Variants in CUX1 observed in about 807,000 individuals in gnomAD.
CUX1 encodes cut like homeobox 1, also known as protein CASP.
Under a neutral mutation model 158.8 loss-of-function variants are expected in CUX1, and 31 were observed. The ratio of observed to expected loss-of-function variants is 0.20; its 90% confidence interval spans 0.15 to 0.26. The LOEUF (loss-of-function observed/expected upper bound fraction) is 0.26. CUX1 is among the 10% of genes least tolerant of loss of function. The probability of loss-of-function intolerance (pLI) is 1.00; values close to 1 mark genes in which losing one functional copy is unlikely to be tolerated. For missense variants in CUX1, 1,589 were observed against 2,014.6 expected (o/e 0.79, Z 4.04); for synonymous variants, 879 against 862.1 (o/e 1.02, Z -0.34).
At position 101,984,119 on chromosome 7, in the gene CUX1, TATATATATATACACAC is replaced by T. The variant is rs1563091958; in HGVS notation, c.142-43977_142-43962del. On this transcript the variant is annotated intron_variant, in intron 2 of 23. Coordinates refer to ENST00000292535, the MANE Select transcript of CUX1 (RefSeq NM_181552.4). ...ATATATATATATATATATATATATA[TATATATATATACACAC>T]ACACATATATATATGTGTGTGTGTG... Among the ~76,000 whole-genome samples the T allele has an allele frequency of 6.8e-5, 3 of 44,136 alleles. 1 individual carries two copies. Among genetic ancestry groups the T allele is most frequent in the African/African-American group, 2.4e-4 (3 of 12,570 alleles). 29.0% of individuals were successfully genotyped at this position (44,136 alleles called of 152,430 possible). A position where few individuals can be genotyped will look rare whatever the true frequency, so the allele number is the denominator to read the frequency against.
At chr7:102,231,266 G>A (rs1362990574) in intron 21 of CUX1, among the ~76,000 whole-genome samples, 5 of 151,704 alleles carry the variant, frequency 3.3e-5, no homozygotes, top group South Asian at 2.1e-4. Flanking sequence ...TCCTGACCTC[G>A]TGATCTGCCC....
At chr7:102,209,262 T>G (rs1796282148) in intron 20 of CUX1, among the ~76,000 whole-genome samples, 1 of 152,226 alleles carries the variant, frequency 6.6e-6, no homozygotes, top group African/African-American at 2.4e-5. Flanking sequence ...TGACATTTCA[T>G]TCACATCATC....
At chr7:101,931,136 C>T (rs1806243815) in intron 2 of CUX1, among the ~76,000 whole-genome samples, 2 of 152,198 alleles carry the variant, frequency 1.3e-5, no homozygotes, top group African/African-American at 4.8e-5. Flanking sequence ...ACAAGAGACT[C>T]GTCCCTTTTC....
Position 102,097,509 on chromosome 7 carries a change from G to T in CUX1, c.406+8G>T. 6.3e-7 allele frequency: 1 copy of T among 1,584,040 alleles called. No individual in the cohort carries two copies. The highest frequency in any genetic ancestry group is 8.5e-7 in the Non-Finnish European group (1 of 1,171,650). On this transcript the variant is annotated splice_region_variant and intron_variant, in intron 5 of 23. Coordinates refer to ENST00000292535, the MANE Select transcript of CUX1 (RefSeq NM_181552.4). ...CTGAAGTGAAAAATCAAGGTTGGTG[G>T]AAAATGCGTTCTTTGCTTTTTCTTT... is the stretch of plus-strand genomic sequence containing the variant.
intron 19 of CUX1, 24 bp from the exon 20 acceptor site, chr7:102,205,090 A>T: frequency 6.4e-7 from 1 of 1,566,188 alleles, no homozygotes; most frequent in Non-Finnish European, 8.8e-7. Flanking sequence ...TCCTTCCTTT[A>T]ATTATAACCT....
In CUX1 at chr7:102,014,247, C is replaced by A. The variant is rs538100807; in HGVS notation, c.142-13851C>A. Among the ~76,000 whole-genome samples the A allele has an allele frequency of 2.0e-5, 3 of 152,132 alleles. No homozygotes were observed. The East Asian group carries it at 5.8e-4, about 29-fold the overall frequency. On this transcript the variant is annotated intron_variant, in intron 2 of 23. Coordinates refer to ENST00000292535, the MANE Select transcript of CUX1 (RefSeq NM_181552.4). ...CTTTTAGAAGCTACATTCATAGTAT[C>A]TCAAAAGACAGACATAAGGGGTACT...
chr7:101,880,535 G>A (rs1415729266), intron 1 of CUX1, among the ~76,000 whole-genome samples: 3 of 152,140 alleles, frequency 2.0e-5, no homozygotes, highest in Non-Finnish European at 4.4e-5. Context: ...CCTAGGAAAG[G>A]ACAATGATTC....
At chr7:101,870,323 AT>A (rs1798387683) in intron 1 of CUX1, among the ~76,000 whole-genome samples, 1 of 151,342 alleles carries the variant, frequency 6.6e-6, no homozygotes, top group Non-Finnish European at 1.5e-5. Flanking sequence ...CACCGGGCTA[AT>A]TTTTGTATTT....
chr7:102,000,144 CG>C (rs1219733679), intron 2 of CUX1, among the ~76,000 whole-genome samples: 2 of 151,598 alleles, frequency 1.3e-5, no homozygotes, highest in African/African-American at 4.9e-5. Context: ...TGAATCCGGG[CG>C]GCGGAGGTTG....
chr7:102,280,099 C>T (rs1791947096), exon 19 of CUX1: 1 of 1,609,996 alleles, frequency 6.2e-7, no homozygotes, highest in Middle Eastern at 1.7e-4. Flanking sequence ...GCCTGGACCC[C>T]TTCTCCTCCT....
At chr7:102,180,586 A>G (rs1226941078) in intron 11 of CUX1, among the ~76,000 whole-genome samples, 2 of 151,224 alleles carry the variant, frequency 1.3e-5, no homozygotes, top group African/African-American at 4.9e-5. Context: ...TCGGCTCCCA[A>G]AACACTTTGG....
In CUX1 at chr7:102,248,631, G is replaced by A. The variant is rs1801090974; in HGVS notation, c.4107G>A (p.Pro1369=). 25 of 1,415,180 alleles carry A rather than the reference G, an allele frequency of 1.8e-5. 1 individual carries two copies. In the South Asian group the frequency reaches 2.6e-4, roughly 15 times the overall value. 87.7% of individuals were successfully genotyped at this position (1,415,180 alleles called of 1,614,324 possible). A position where few individuals can be genotyped will look rare whatever the true frequency, so the allele number is the denominator to read the frequency against. ...GEAEREEVPR[P]AEQTEPPPSG... ...CCGAGCGGGAGGAGGTGCCGCGGCC[G>A]GCGGAGCAGACGGAGCCGCCGCCCT... The change falls in exon 24 of 24, where the codon CCG becomes CCA. Residue 1369 remains proline, a synonymous_variant. Transcript: ENST00000292535. This position sits in a 1 kb window ranked among gnomAD's most constrained non-coding sequence, Gnocchi z 5.8.
chr7:102,016,606 C>T (rs1417653382), intron 2 of CUX1, among the ~76,000 whole-genome samples: 2 of 152,202 alleles, frequency 1.3e-5, no homozygotes, highest in African/African-American at 2.4e-5. Context: ...AGCGAGACCT[C>T]GTTCCTTACA....
At chr7:102,155,017 C>T (rs543860198) in intron 8 of CUX1, among the ~76,000 whole-genome samples, 1 of 152,278 alleles carries the variant, frequency 6.6e-6, no homozygotes, top group African/African-American at 2.4e-5. Flanking sequence ...GGGTACGCAG[C>T]AGCTATGTAT....
intron 23 of CUX1, among the ~76,000 whole-genome samples, chr7:102,242,982 C>T (rs1471722888): frequency 6.6e-6 from 1 of 152,002 alleles, no homozygotes; most frequent in Non-Finnish European, 1.5e-5. Flanking sequence ...ATTTAGTAAT[C>T]ACAGGTCTGG....
At position 102,234,092 on chromosome 7, in the gene CUX1, A is replaced by G. The variant is rs936704285; in HGVS notation, c.3474A>G (p.Gln1158=). 3 of 1,586,650 alleles carry G rather than the reference A, an allele frequency of 1.9e-6. No homozygotes were observed. The highest frequency in any genetic ancestry group is 1.8e-5 in the Admixed American group (1 of 55,214). The change falls in exon 22 of 24, where the codon CAA becomes CAG. Residue 1158 remains glutamine (Q), a synonymous_variant. Transcript: ENST00000292535. ...LFGETILGLT[Q]GSVSDLLARP... ...GGGAGACCATCTTAGGGCTCACCCA[A>G]GGCTCTGTCTCTGACCTCCTTGCCC...
At chr7:101,818,520 G>A (rs1008746754) in intron 1 of CUX1, among the ~76,000 whole-genome samples, 2 of 152,124 alleles carry the variant, frequency 1.3e-5, no homozygotes, top group African/African-American at 2.4e-5. Flanking sequence ...CTTCTTCAGG[G>A]GATCAGGGCT....
intron 1 of CUX1, among the ~76,000 whole-genome samples, chr7:101,862,297 G>A (rs996567724): frequency 1.3e-5 from 2 of 152,040 alleles, no homozygotes; most frequent in Non-Finnish European, 2.9e-5. Flanking sequence ...GGGAAGGTCA[G>A]AGTCCTTCTA....
chr7:101,873,316 A>G (rs2131480106), intron 1 of CUX1, among the ~76,000 whole-genome samples: 1 of 145,834 alleles, frequency 6.9e-6, no homozygotes, highest in South Asian at 2.2e-4. Context: ...TGCATTAGCT[A>G]TTTTTCCTAA....
Sources: gnomAD v4.1 joint callset for allele counts (sites outside exome capture counted in the v4.1 genomes callset) on GRCh38, gnomAD v4.1.1 for gene constraint, Gnocchi (gnomAD v3.1) non-coding constraint, MANE v1.5 for transcripts, NCBI Gene and HGNC (gene_info 2026-07-23, HGNC 2026-07-21) for gene names.